Variants in TRDN observed in about 807,000 individuals in gnomAD.
TRDN encodes triadin, also known as triadin in skeletal muscle.
TRDN carries 161 observed loss-of-function variants against 149.7 expected under a neutral mutation model. The observed-to-expected ratio is 1.08, with a 90% CI of 0.95 to 1.23. The LOEUF is 1.23. Ranked by LOEUF, TRDN falls within the 50% of genes most tolerant of loss-of-function variation. The pLI, the probability that TRDN is intolerant of heterozygous loss-of-function variation, is 0.00. For missense variants in TRDN, 896 were observed against 823.5 expected (o/e 1.09, Z -1.08); for synonymous variants, 294 against 250.5 (o/e 1.17, Z -1.64).
chr6:123,482,484 A>T (rs1340605361), intron 9 of TRDN, among the ~76,000 whole-genome samples: 1 of 152,216 alleles, frequency 6.6e-6, no homozygotes, highest in Non-Finnish European at 1.5e-5. Context: ...AATTGATACT[A>T]TGTTGTCATT....
At chr6:123,366,089 G>A (rs1781088443) in intron 20 of TRDN, 46 bp downstream of exon 20, 2 of 1,528,606 alleles carry the variant, frequency 1.3e-6, no homozygotes, top group Non-Finnish European at 1.8e-6. Context: ...AACCTTAGCA[G>A]AAATAACTTA....
intron 12 of TRDN, among the ~76,000 whole-genome samples, chr6:123,401,811 G>T (rs967373011): frequency 6.6e-6 from 1 of 152,016 alleles, no homozygotes; most frequent in Non-Finnish European, 1.5e-5. Flanking sequence ...GCTGGGTGTG[G>T]GGGTGCTCAC....
chr6:123,436,732 C>T (rs1774580771), intron 12 of TRDN, among the ~76,000 whole-genome samples: 1 of 152,110 alleles, frequency 6.6e-6, no homozygotes, highest in African/African-American at 2.4e-5. Context: ...TTCGTTTAAG[C>T]TTACCTACCA....
intron 1 of TRDN, among the ~76,000 whole-genome samples, chr6:123,586,964 G>A (rs1359470527): frequency 6.6e-6 from 1 of 152,000 alleles, no homozygotes; most frequent in African/African-American, 2.4e-5. Flanking sequence ...TAAGAGGTTG[G>A]GGCACGGAAA....
chr6:123,634,639 C>A (rs78191451), intron 1 of TRDN, among the ~76,000 whole-genome samples: 4,937 of 151,822 alleles, frequency 0.033, 273 homozygotes, highest in African/African-American at 0.11. Context: ...TGTGTAGTAA[C>A]AAAGTGTGAA....
intron 1 of TRDN, among the ~76,000 whole-genome samples, chr6:123,584,357 G>T (rs1480576216): frequency 6.8e-6 from 1 of 146,598 alleles, no homozygotes; most frequent in African/African-American, 2.4e-5. Context: ...GCCTCTAAAA[G>T]TATTAGGGTG....
intron 24 of TRDN, among the ~76,000 whole-genome samples, chr6:123,299,025 T>C (rs772919015): frequency 6.6e-6 from 1 of 152,056 alleles, no homozygotes; most frequent in African/African-American, 2.4e-5. Context: ...AGAAAATGCA[T>C]TGGAGATAAT....
chr6:123,404,666 A>C (rs1355846130), intron 12 of TRDN, among the ~76,000 whole-genome samples: 1 of 152,002 alleles, frequency 6.6e-6, no homozygotes, highest in Non-Finnish European at 1.5e-5. Context: ...GTTTGTTTCG[A>C]ACTCTTGACC....
chr6:123,423,317 G>A (rs369932261), intron 12 of TRDN, among the ~76,000 whole-genome samples: 5 of 152,040 alleles, frequency 3.3e-5, no homozygotes, highest in African/African-American at 7.2e-5. Flanking sequence ...TTTCTGGCAA[G>A]TAAATGCTGA....
chr6:123,542,859 C>CGTGT (rs10678221), intron 4 of TRDN, among the ~76,000 whole-genome samples: 6,352 of 147,034 alleles, frequency 0.043, 133 homozygotes, highest in Non-Finnish European at 0.047. Flanking sequence ...TGCATGTTTG[C>CGTGT]GTGTGTGTGT....
intron 12 of TRDN, among the ~76,000 whole-genome samples, chr6:123,420,795 T>G (rs1280671179): frequency 1.3e-5 from 2 of 152,230 alleles, no homozygotes; most frequent in Non-Finnish European, 2.9e-5. Flanking sequence ...TTTTTTTCTC[T>G]AGCCTAAAGA....
At chr6:123,504,328 T>C (rs1179487169) in intron 7 of TRDN, among the ~76,000 whole-genome samples, 2 of 152,148 alleles carry the variant, frequency 1.3e-5, no homozygotes, top group East Asian at 1.9e-4. Context: ...ATCATTTTGC[T>C]TGATAACTGA....
chr6:123,391,151 G>C (rs1782098073), intron 13 of TRDN, among the ~76,000 whole-genome samples: 1 of 151,782 alleles, frequency 6.6e-6, no homozygotes, highest in Non-Finnish European at 1.5e-5. Flanking sequence ...TAATACCTGT[G>C]AACTAGATTG....
intron 34 of TRDN, among the ~76,000 whole-genome samples, 187 bp downstream of exon 34, chr6:123,260,425 T>C (rs1776722050): frequency 1.3e-5 from 2 of 151,960 alleles, no homozygotes; most frequent in Admixed American, 1.3e-4. Flanking sequence ...GCGGTAAGAA[T>C]GGACACATTG....
intron 6 of TRDN, among the ~76,000 whole-genome samples, chr6:123,514,685 A>C (rs1201598220): frequency 1.3e-5 from 2 of 151,476 alleles, no homozygotes; most frequent in Non-Finnish European, 2.9e-5. Context: ...AGAAATGGGC[A>C]GTGAGTGTGA....
At chr6:123,267,432 A>G (rs537642212) in intron 32 of TRDN, among the ~76,000 whole-genome samples, 1 of 152,242 alleles carries the variant, frequency 6.6e-6, no homozygotes, top group African/African-American at 2.4e-5. Context: ...TACTGACAAC[A>G]GTGAAATACT....
intron 21 of TRDN, among the ~76,000 whole-genome samples, chr6:123,347,768 A>G (rs1180869823): frequency 1.3e-5 from 2 of 152,108 alleles, no homozygotes; most frequent in African/African-American, 4.8e-5. Context: ...GGTCCTTTAG[A>G]GATAGCTTAA....
intron 2 of TRDN, among the ~76,000 whole-genome samples, chr6:123,549,007 T>A (rs1205083798): frequency 1.3e-5 from 2 of 152,078 alleles, no homozygotes; most frequent in East Asian, 3.9e-4. Context: ...CTGTAAGTTT[T>A]CAGACAAATA....
intron 10 of TRDN, chr6:123,444,918 T>C (rs1472585422): frequency 3.9e-5 from 6 of 152,258 alleles, no homozygotes; most frequent in Non-Finnish European, 1.5e-5. Flanking sequence ...TGGATTTGTT[T>C]TGCCAGTATT....
Sources: allele counts gnomAD v4.1 joint callset (sites outside exome capture counted in the v4.1 genomes callset), GRCh38; gene constraint gnomAD v4.1.1; transcripts MANE v1.5; gene names NCBI Gene and HGNC (gene_info 2026-07-23, HGNC 2026-07-21).